The following ARHGEF28 variants were observed in gnomAD, a reference collection of about 807,000 sequenced individuals.
ARHGEF28 encodes the protein Rho guanine nucleotide exchange factor 28.
Under a neutral mutation model 206.6 loss-of-function variants are expected in ARHGEF28, and 152 were observed. That is an observed-to-expected ratio of 0.74 (90% CI 0.64 to 0.84). The LOEUF is 0.84. Ranked by LOEUF, ARHGEF28 falls within the 40% of genes least tolerant of loss-of-function variation. The pLI, the probability that ARHGEF28 is intolerant of heterozygous loss-of-function variation, is 0.00. For synonymous variants in ARHGEF28, 763 were observed against 776.4 expected (o/e 0.98, Z 0.29); for missense variants, 2,028 against 2,073.2 (o/e 0.98, Z 0.42).
At position 73,894,401 on chromosome 5, in the gene ARHGEF28, A is replaced by G. The variant is rs747749573; in HGVS notation, c.3667A>G (p.Thr1223Ala). The G allele has an allele frequency of 6.2e-7, 1 of 1,609,458 alleles. No individual in the cohort carries two copies. The highest frequency in any genetic ancestry group is 1.7e-5 in the Admixed American group (1 of 59,462). ...AKIQQCQEIL[T>A]NQDQQICAYL... ...TAAATACTATTTCATAGAAATACTC[A>G]CTAACCAAGACCAACAAATTTGTGC... Residue 1223 changes from threonine to alanine, a missense_variant, in exon 29 of 36, where the codon ACT (threonine) becomes GCT (alanine). Thr to Ala is a moderately conservative substitution (Grantham distance 58). This residue lies in a region of ARHGEF28 where 803 missense variants were observed against 768.0 expected (regional missense o/e 1.05). Transcript: ENST00000513042.
chr5:73,789,558 ATAGTATATGAAT>A (rs1325124291), intron 7 of ARHGEF28, among the ~76,000 whole-genome samples: 17 of 152,218 alleles, frequency 1.1e-4, no homozygotes, highest in Admixed American at 7.2e-4. Flanking sequence ...GGTGAATTGT[ATAGTATATGAAT>A]TATACCTTAA....
In ARHGEF28 at chr5:73,864,188, G is replaced by A. The variant is rs541273666; in HGVS notation, c.2048-629G>A. Among the ~76,000 whole-genome samples the A allele has an allele frequency of 2.8e-4, 42 of 152,300 alleles. No homozygotes were observed. The South Asian group carries it at 8.5e-3, about 31-fold the overall frequency. On this transcript the variant is annotated intron_variant, in intron 16 of 35. Transcript: ENST00000513042. ...CCATGAGGACAGCCTCAGTGTCTGT[G>A]TTCATGGGCAGAAAGGGGCAGGGAA... is the stretch of plus-strand genomic sequence containing the variant.
chr5:73,674,128 G>A (rs1002172165), intron 1 of ARHGEF28, among the ~76,000 whole-genome samples: 4 of 152,090 alleles, frequency 2.6e-5, no homozygotes, highest in African/African-American at 9.7e-5. Flanking sequence ...CCTTGATTGT[G>A]CCACTGCTCT....
chr5:73,641,162 C>CATTGT, intron 1 of ARHGEF28, among the ~76,000 whole-genome samples: 1 of 152,304 alleles, frequency 6.6e-6, no homozygotes, highest in East Asian at 1.9e-4. Flanking sequence ...TGAGAAACAG[C>CATTGT]ATTGTTTAAC....
At chr5:73,731,352 C>T (rs771223297) in intron 2 of ARHGEF28, among the ~76,000 whole-genome samples, 3 of 152,214 alleles carry the variant, frequency 2.0e-5, no homozygotes, top group Admixed American at 2.0e-4. Context: ...TAGACATATA[C>T]CTTGAAAAAC....
chr5:73,870,480 A>G (rs1760035277), intron 21 of ARHGEF28, among the ~76,000 whole-genome samples: 1 of 152,260 alleles, frequency 6.6e-6, no homozygotes, highest in South Asian at 2.1e-4. Flanking sequence ...GCAATGAGGC[A>G]TAATATGTAC....
chr5:73,791,881 A>G (rs1390182396), intron 7 of ARHGEF28, among the ~76,000 whole-genome samples: 1 of 152,210 alleles, frequency 6.6e-6, no homozygotes. Flanking sequence ...GGCCTTTAAA[A>G]CAGAATAGGT....
intron 6 of ARHGEF28, among the ~76,000 whole-genome samples, chr5:73,777,876 C>T (rs186054099): frequency 1.3e-5 from 2 of 152,114 alleles, no homozygotes; most frequent in East Asian, 1.9e-4. Flanking sequence ...GTCAGGAGAT[C>T]GAGACCATCC....
intron 2 of ARHGEF28, among the ~76,000 whole-genome samples, chr5:73,690,972 C>A (rs1368875945): frequency 6.6e-6 from 1 of 151,952 alleles, no homozygotes; most frequent in African/African-American, 2.4e-5. Context: ...GCCGTGTCAT[C>A]CAGGCTGGGG....
intron 16 of ARHGEF28, chr5:73,863,273 C>T (rs2931434): frequency 0.26 from 39,934 of 151,962 alleles, 5,963 homozygotes; most frequent in Admixed American, 0.37. Flanking sequence ...TCCTTTTGGG[C>T]GCTTTTTCAG....
intron 2 of ARHGEF28, among the ~76,000 whole-genome samples, chr5:73,704,488 G>C (rs560631271): frequency 1.3e-5 from 2 of 152,122 alleles, no homozygotes; most frequent in South Asian, 4.2e-4. Context: ...GCAGTGGAGC[G>C]ACCTTGGCTT....
intron 17 of ARHGEF28, among the ~76,000 whole-genome samples, chr5:73,865,696 C>T (rs985324046): frequency 7.2e-5 from 11 of 152,132 alleles, no homozygotes; most frequent in Admixed American, 7.2e-4. Context: ...GAGCTGGAGA[C>T]CTCTGGTTTC....
At chr5:73,938,352 G>A (rs1742337470) in intron 35 of ARHGEF28, among the ~76,000 whole-genome samples, 1 of 152,084 alleles carries the variant, frequency 6.6e-6, no homozygotes, top group African/African-American at 2.4e-5. Context: ...GATTTTCCAT[G>A]TACCTCAAAA....
At chr5:73,676,024 T>C (rs537505417) in intron 1 of ARHGEF28, among the ~76,000 whole-genome samples, 1 of 151,658 alleles carries the variant, frequency 6.6e-6, no homozygotes, top group East Asian at 1.9e-4. Context: ...TCAAATTGAT[T>C]GACTCCGCAC....
At chr5:73,861,948 T>G (rs2112621086) in intron 16 of ARHGEF28, among the ~76,000 whole-genome samples, 1 of 152,304 alleles carries the variant, frequency 6.6e-6, no homozygotes, top group East Asian at 1.9e-4. Context: ...ATACAGTCTC[T>G]GCTGTTTTGG....
At chr5:73,879,756 G>A (rs1054771254) in intron 22 of ARHGEF28, among the ~76,000 whole-genome samples, 26 of 152,150 alleles carry the variant, frequency 1.7e-4, no homozygotes, top group African/African-American at 4.6e-4. Flanking sequence ...TGTGAACCGC[G>A]AATGCTGCTG....
intron 16 of ARHGEF28, among the ~76,000 whole-genome samples, chr5:73,861,973 T>C (rs1182555736): frequency 1.3e-5 from 2 of 152,168 alleles, no homozygotes; most frequent in Non-Finnish European, 2.9e-5. Flanking sequence ...ATAATCTTTT[T>C]CCATGGGTGC....
chr5:73,865,760 C>T (rs933317658), intron 17 of ARHGEF28, among the ~76,000 whole-genome samples: 1 of 152,178 alleles, frequency 6.6e-6, no homozygotes, highest in Non-Finnish European at 1.5e-5. Context: ...CGCATGTTCA[C>T]AAGGCCCCTT....
At chr5:73,860,787 A>C (rs1431222917) in intron 16 of ARHGEF28, among the ~76,000 whole-genome samples, 1 of 152,184 alleles carries the variant, frequency 6.6e-6, no homozygotes, top group Admixed American at 6.5e-5. Flanking sequence ...TACTGGGCTA[A>C]GTCCAAGCTC....
Sources: allele counts gnomAD v4.1 joint callset (sites outside exome capture counted in the v4.1 genomes callset), GRCh38; gene constraint gnomAD v4.1.1; regional missense constraint gnomAD v4.1.1; transcripts MANE v1.5; gene names NCBI Gene and HGNC (gene_info 2026-07-23, HGNC 2026-07-21).